The following RBFOX1 variants were observed in gnomAD, a reference collection of about 807,000 sequenced individuals.
The protein encoded by RBFOX1 is RNA binding fox-1 homolog 1.
Under a neutral mutation model 57.7 loss-of-function variants are expected in RBFOX1, and 8 were observed. The observed-to-expected ratio is 0.14, with a 90% CI of 0.08 to 0.25. The LOEUF is 0.25. RBFOX1 is among the 10% of genes least tolerant of loss of function. The pLI is 1.00. For synonymous variants in RBFOX1, 326 were observed against 222.4 expected (o/e 1.47, Z -4.15); for missense variants, 611 against 548.5 (o/e 1.11, Z -1.14).
intron 3 of RBFOX1, among the ~76,000 whole-genome samples, chr16:6,959,812 C>A (rs912219990): frequency 2.6e-5 from 4 of 152,116 alleles, no homozygotes; most frequent in African/African-American, 4.8e-5. Flanking sequence ...TGGCAGGCAC[C>A]TGTAATTCCA....
intron 5 of RBFOX1, among the ~76,000 whole-genome samples, chr16:7,544,424 TAATTA>T (rs1289445741): frequency 4.6e-5 from 7 of 152,238 alleles, no homozygotes; most frequent in African/African-American, 1.7e-4. Flanking sequence ...TTTGTAGATA[TAATTA>T]AATTAGATGA....
At chr16:5,530,281 C>G (rs1303364656) in intron 2 of RBFOX1, among the ~76,000 whole-genome samples, 2 of 152,134 alleles carry the variant, frequency 1.3e-5, no homozygotes, top group African/African-American at 4.8e-5. Context: ...TACTTCTTAA[C>G]TGCTTCTTTT....
At chr16:5,990,490 C>A (rs1384279325) in intron 4 of RBFOX1, among the ~76,000 whole-genome samples, 1 of 152,206 alleles carries the variant, frequency 6.6e-6, no homozygotes, top group Non-Finnish European at 1.5e-5. Flanking sequence ...TTGACCTATT[C>A]CATTTCTTTC....
intron 5 of RBFOX1, among the ~76,000 whole-genome samples, chr16:7,568,700 A>G (rs1261903501): frequency 2.0e-5 from 3 of 151,818 alleles, no homozygotes; most frequent in Non-Finnish European, 4.4e-5. Flanking sequence ...CCTGGCTAAC[A>G]TGGTGAAACC....
intron 3 of RBFOX1, among the ~76,000 whole-genome samples, chr16:5,812,662 C>T (rs114789586): frequency 0.019 from 2,825 of 152,150 alleles, 104 homozygotes; most frequent in African/African-American, 0.065. Flanking sequence ...GGCTCTCCCT[C>T]TGTTGCCTAC....
At chr16:5,654,010 A>G (rs898680688) in intron 3 of RBFOX1, among the ~76,000 whole-genome samples, 1 of 152,196 alleles carries the variant, frequency 6.6e-6, no homozygotes, top group Non-Finnish European at 1.5e-5. Flanking sequence ...GGCGGGGCCC[A>G]GCTGGTGCGA....
rs563414782 is a variant in RBFOX1 at position 7,481,555 on chromosome 16, C to A, written c.28-36592C>A. Among the ~76,000 whole-genome samples the A allele has an allele frequency of 1.2e-3, 177 of 152,268 alleles. 1 individual carries two copies. The highest frequency in any genetic ancestry group is 4.1e-3 in the African/African-American group (170 of 41,548). ...CTAGGCTGATTTGAAAGTTAACTTACCCTTCAGATGACTAAGGGCTATTAA... is the reference window on the plus strand; with the variant it reads ...CTAGGCTGATTTGAAAGTTAACTTAACCTTCAGATGACTAAGGGCTATTAA... On this transcript the variant is annotated intron_variant, in intron 4 of 15. Transcript: ENST00000550418.
At chr16:7,326,497 A>C (rs1264591312) in intron 4 of RBFOX1, among the ~76,000 whole-genome samples, 1 of 152,154 alleles carries the variant, frequency 6.6e-6, no homozygotes, top group Non-Finnish European at 1.5e-5. Context: ...CATGATGAGC[A>C]GAGAGATGAA....
At chr16:7,583,770 C>T (rs1392422625) in intron 6 of RBFOX1, among the ~76,000 whole-genome samples, 1 of 151,910 alleles carries the variant, frequency 6.6e-6, no homozygotes, top group Non-Finnish European at 1.5e-5. Flanking sequence ...TGCTTGAGTT[C>T]AAGAATTTTA....
chr16:7,218,838 A>T (rs959161097), intron 4 of RBFOX1, among the ~76,000 whole-genome samples: 1 of 151,824 alleles, frequency 6.6e-6, no homozygotes, highest in Non-Finnish European at 1.5e-5. Flanking sequence ...TTGCTGCTAC[A>T]TTTTGGTGGA....
At chr16:6,925,426 A>G (rs2075389513) in intron 3 of RBFOX1, among the ~76,000 whole-genome samples, 1 of 151,018 alleles carries the variant, frequency 6.6e-6, no homozygotes. Flanking sequence ...CACCCAGCCT[A>G]TCCTTTTTAA....
chr16:7,059,342 T>A (rs183958330), intron 4 of RBFOX1, among the ~76,000 whole-genome samples: 7 of 152,294 alleles, frequency 4.6e-5, no homozygotes, highest in Non-Finnish European at 7.4e-5. Context: ...GACTATAATT[T>A]TAGGATGGTT....
chr16:6,912,976 G>T (rs1240312436), intron 3 of RBFOX1, among the ~76,000 whole-genome samples: 1 of 151,922 alleles, frequency 6.6e-6, no homozygotes, highest in South Asian at 2.1e-4. Context: ...ACCTCATCTG[G>T]CTGTTACCCA....
chr16:5,360,731 C>T (rs1008924468), intron 1 of RBFOX1, among the ~76,000 whole-genome samples: 8 of 152,186 alleles, frequency 5.3e-5, no homozygotes, highest in East Asian at 1.9e-4. Context: ...CTAGAGATCT[C>T]GACAGCTGCA....
chr16:6,676,065 A>C (rs1014927011), intron 3 of RBFOX1, among the ~76,000 whole-genome samples: 2 of 151,964 alleles, frequency 1.3e-5, no homozygotes, highest in South Asian at 2.1e-4. Context: ...AGGGAAGTCA[A>C]CATAGGGGTT....
chr16:7,595,024 C>T (rs1194200067), intron 7 of RBFOX1, among the ~76,000 whole-genome samples: 1 of 152,142 alleles, frequency 6.6e-6, no homozygotes, highest in African/African-American at 2.4e-5. Context: ...GGCTGTAGAA[C>T]TGACAAATTT....
intron 1 of RBFOX1, among the ~76,000 whole-genome samples, chr16:6,258,014 A>C (rs1207090107): frequency 6.6e-6 from 1 of 152,150 alleles, no homozygotes; most frequent in African/African-American, 2.4e-5. Context: ...CCTTCTACAA[A>C]GGTTGAACTA....
chr16:5,680,263 C>G (rs1179447245), intron 3 of RBFOX1, among the ~76,000 whole-genome samples: 1 of 152,178 alleles, frequency 6.6e-6, no homozygotes, highest in African/African-American at 2.4e-5. Context: ...GGAGCTCAGT[C>G]TGGCGGAGAT....
At chr16:7,227,066 A>G (rs1026305585) in intron 4 of RBFOX1, among the ~76,000 whole-genome samples, 3 of 152,096 alleles carry the variant, frequency 2.0e-5, no homozygotes, top group Non-Finnish European at 4.4e-5. Flanking sequence ...TTCCCCCAGC[A>G]TTCTTACCTG....
Sources: gnomAD v4.1 joint callset for allele counts (sites outside exome capture counted in the v4.1 genomes callset) on GRCh38, gnomAD v4.1.1 for gene constraint, MANE v1.5 for transcripts, NCBI Gene and HGNC (gene_info 2026-07-23, HGNC 2026-07-21) for gene names.